PSMB7: variants seen among roughly 807,000 people sequenced by gnomAD.
PSMB7 encodes proteasome 20S subunit beta 7.
A neutral mutation model predicts 28.1 loss-of-function variants in PSMB7; 5 were observed. That is an observed-to-expected ratio of 0.18 (90% confidence interval 0.09 to 0.37). The LOEUF is 0.37. Ranked by LOEUF, PSMB7 falls within the 10% of genes least tolerant of loss-of-function variation. The pLI is 1.00. For synonymous variants in PSMB7, 122 were observed against 123.7 expected, an observed-to-expected ratio of 0.99 and a Z score of 0.09; for missense variants, 275 against 346.2, an observed-to-expected ratio of 0.79 and a Z score of 1.63.
At chr9:124,413,856 A>G in intron 3 of PSMB7, 52 bp downstream of exon 3, 1 of 1,300,040 alleles carries the variant, frequency 7.7e-7, no homozygotes, top group Non-Finnish European at 1.1e-6. Context: ...GTCAATTTTT[A>G]GCCCTGACAT....
intron 4 of PSMB7, 132 bp downstream of exon 4, chr9:124,412,220 T>A: frequency 1.0e-6 from 1 of 993,542 alleles, no homozygotes; most frequent in South Asian, 1.7e-5. Context: ...CTCTTTAATA[T>A]AACAACTGAT....
rs1292057597 is a variant in PSMB7 at position 124,356,205 on chromosome 9, A to T, written c.722+559T>A. Among the ~76,000 whole-genome samples the T allele has an allele frequency of 1.3e-5, 2 of 152,134 alleles. No homozygotes were observed. On this transcript the variant is annotated intron_variant, in intron 7 of 7. Coordinates refer to ENST00000259457, the MANE Select transcript of PSMB7 (RefSeq NM_002799.4). This position sits in a 1 kb window ranked among gnomAD's most constrained non-coding sequence, Gnocchi z 4.4. ...GGAAACCTCCCAGTTCTGCTCAGCA[A>T]ATCAACTAGAACCTTCTCCCACTGC...
chr9:124,353,809 G>A, intron 7 of PSMB7, 100 bp from the exon 8 acceptor site: 1 of 875,122 alleles, frequency 1.1e-6, no homozygotes, highest in Non-Finnish European at 1.8e-6. Context: ...CAGTGAGCAG[G>A]CTGGACTGGA....
chr9:124,413,431 A>G (rs916357135), intron 3 of PSMB7, among the ~76,000 whole-genome samples: 5 of 152,058 alleles, frequency 3.3e-5, no homozygotes, highest in African/African-American at 1.2e-4. Context: ...CCTAAAAGCC[A>G]TGTGGAAATG....
chr9:124,385,245 TTA>T (rs1235325525), intron 5 of PSMB7, among the ~76,000 whole-genome samples: 5 of 152,250 alleles, frequency 3.3e-5, no homozygotes, highest in Admixed American at 2.6e-4. Flanking sequence ...GCTATTATTT[TTA>T]GTTTGTACTT....
chr9:124,394,049 T>TAA (rs1462412036), intron 5 of PSMB7, among the ~76,000 whole-genome samples: 1 of 152,252 alleles, frequency 6.6e-6, no homozygotes, highest in Non-Finnish European at 1.5e-5. Flanking sequence ...AGGTCCCCTT[T>TAA]ACTCAGGTCC....
chr9:124,359,091 A>G (rs900881514), intron 6 of PSMB7, among the ~76,000 whole-genome samples: 3 of 152,260 alleles, frequency 2.0e-5, no homozygotes, highest in African/African-American at 4.8e-5. Flanking sequence ...ACTTTAAAAT[A>G]TGCAAATTTT....
chr9:124,386,000 T>G (rs773331754), intron 5 of PSMB7, among the ~76,000 whole-genome samples: 5 of 152,122 alleles, frequency 3.3e-5, no homozygotes, highest in Non-Finnish European at 5.9e-5. Context: ...CGGTTGAGGA[T>G]CATTACCTTC....
In PSMB7 at chr9:124,366,429, T is replaced by C. The variant is rs138342318; in HGVS notation, c.571-9514A>G. Among the ~76,000 whole-genome samples, 8 of 152,322 alleles carry C rather than the reference T, an allele frequency of 5.3e-5. No homozygotes were observed. In the East Asian group the frequency reaches 1.5e-3, roughly 29 times the overall value. On this transcript the variant is annotated intron_variant, in intron 6 of 7. Coordinates refer to ENST00000259457, the MANE Select transcript of PSMB7 (RefSeq NM_002799.4). Reference sequence around the variant, plus strand: ...GTCTATAACAAAAGAGCTTATAGACTAAGGATATAAAGAAAAATATTTTGT... The same window carrying C: ...GTCTATAACAAAAGAGCTTATAGACCAAGGATATAAAGAAAAATATTTTGT...
chr9:124,405,490 C>G, intron 4 of PSMB7, 58 bp from the exon 5 acceptor site: 6 of 1,235,946 alleles, frequency 4.9e-6, no homozygotes, highest in Non-Finnish European at 7.1e-6. Flanking sequence ...ATCACTGTAA[C>G]TTAGCCAAAA....
At chr9:124,368,292 G>A (rs1011239205) in intron 6 of PSMB7, among the ~76,000 whole-genome samples, 3 of 152,140 alleles carry the variant, frequency 2.0e-5, no homozygotes, top group African/African-American at 7.2e-5. Context: ...AAGTCTTTAA[G>A]TAAATTTAAT....
intron 6 of PSMB7, among the ~76,000 whole-genome samples, chr9:124,362,159 T>C (rs1830470067): frequency 3.3e-5 from 5 of 152,254 alleles, no homozygotes; most frequent in Admixed American, 3.3e-4. Context: ...TTCATGTATA[T>C]GGCAAGTCAT....
At chr9:124,412,198 C>T (rs1330144814) in intron 4 of PSMB7, among the ~76,000 whole-genome samples, 154 bp downstream of exon 4, 1 of 152,160 alleles carries the variant, frequency 6.6e-6, no homozygotes, top group Non-Finnish European at 1.5e-5. Context: ...CATCAAAAAC[C>T]ATTTAAAATG....
At chr9:124,361,989 A>G (rs189455498) in intron 6 of PSMB7, among the ~76,000 whole-genome samples, 2 of 152,330 alleles carry the variant, frequency 1.3e-5, no homozygotes, top group African/African-American at 4.8e-5. Context: ...TGGACAGTTC[A>G]GCATCAAATT....
intron 5 of PSMB7, among the ~76,000 whole-genome samples, chr9:124,387,854 C>T (rs1321748275): frequency 6.7e-6 from 1 of 149,800 alleles, no homozygotes; most frequent in Non-Finnish European, 1.5e-5. Context: ...CAAGGCAATG[C>T]AGTGGGGGAC....
intron 5 of PSMB7, among the ~76,000 whole-genome samples, chr9:124,400,638 C>G (rs1377200356): frequency 6.6e-6 from 1 of 152,166 alleles, no homozygotes; most frequent in Non-Finnish European, 1.5e-5. Flanking sequence ...TGTTCTTGGC[C>G]CCAAACCCAG....
At position 124,411,124 on chromosome 9, in the gene PSMB7, C is replaced by T. The variant is rs1397003200; in HGVS notation, c.395+1228G>A. 2.0e-5 allele frequency among the ~76,000 whole-genome samples: 3 copies of T among 151,974 alleles called. 1 individual carries two copies. Among genetic ancestry groups the T allele is most frequent in the Non-Finnish European group, 4.4e-5 (3 of 67,988 alleles). On this transcript the variant is annotated intron_variant, in intron 4 of 7. Coordinates refer to ENST00000259457, the MANE Select transcript of PSMB7 (RefSeq NM_002799.4). ...CCAAGTAGCTGGGATTACAGGCAAG[C>T]GCCACCATGCCCGGCTATTTTTGTA...
intron 5 of PSMB7, chr9:124,396,856 T>G (rs1189178927): frequency 2.1e-6 from 1 of 468,450 alleles, no homozygotes; most frequent in East Asian, 6.9e-5. Flanking sequence ...AGCTGGCAAG[T>G]TCAAAGAATA....
chr9:124,375,551 C>T (rs2131154074), intron 6 of PSMB7, among the ~76,000 whole-genome samples: 1 of 152,216 alleles, frequency 6.6e-6, no homozygotes. Flanking sequence ...GATACCGAAA[C>T]AGATGTAACA....
Sources: allele counts gnomAD v4.1 joint callset (sites outside exome capture counted in the v4.1 genomes callset), GRCh38; gene constraint gnomAD v4.1.1; non-coding constraint Gnocchi (gnomAD v3.1); transcripts MANE v1.5; gene names NCBI Gene and HGNC (gene_info 2026-07-23, HGNC 2026-07-21).